The following CELF2 variants were observed in gnomAD, a reference collection of about 807,000 sequenced individuals.
CELF2 encodes the protein CUG triplet repeat RNA-binding protein 2.
A neutral mutation model predicts 62.6 loss-of-function variants in CELF2; 8 were observed. The observed-to-expected ratio is 0.13, with a 90% CI of 0.07 to 0.23. The LOEUF is 0.23. Ranked by LOEUF, CELF2 falls within the 10% of genes least tolerant of loss-of-function variation. The pLI, the probability that CELF2 is intolerant of heterozygous loss-of-function variation, is 1.00. For synonymous variants in CELF2, 258 were observed against 250.0 expected (o/e 1.03, Z -0.30); for missense variants, 333 against 671.0 (o/e 0.50, Z 5.56).
chr10:10,783,766 C>T, the CELF2 span, among the ~76,000 whole-genome samples: 1 of 152,106 alleles, frequency 6.6e-6, no homozygotes, highest in South Asian at 2.1e-4. Context: ...GCGGGCAGAT[C>T]ACGGCATCAA....
intron 3 of CELF2, among the ~76,000 whole-genome samples, chr10:11,218,160 G>A (rs954962360): frequency 1.3e-5 from 2 of 152,196 alleles, no homozygotes; most frequent in South Asian, 2.1e-4. Flanking sequence ...AAAGGATTTT[G>A]TGGCACTTTT....
chr10:11,325,400 CATT>C (rs1451316410), intron 11 of CELF2, among the ~76,000 whole-genome samples: 2 of 152,244 alleles, frequency 1.3e-5, no homozygotes, highest in Non-Finnish European at 2.9e-5. Flanking sequence ...CTGCTACATC[CATT>C]ATTGTCAATT....
intron 2 of CELF2, among the ~76,000 whole-genome samples, chr10:10,950,129 C>G (rs1264267916): frequency 2.0e-5 from 3 of 152,134 alleles, no homozygotes; most frequent in Non-Finnish European, 4.4e-5. Flanking sequence ...TTGCAGCTTC[C>G]CTGGGTTTCC....
At chr10:11,042,114 C>A (rs564227639) in intron 1 of CELF2, among the ~76,000 whole-genome samples, 1 of 152,168 alleles carries the variant, frequency 6.6e-6, no homozygotes, top group Non-Finnish European at 1.5e-5. Flanking sequence ...GGGCTTAGCA[C>A]TGTGTTGATT....
At position 11,242,544 on chromosome 10, in the gene CELF2, C is replaced by T. The variant is rs770074859; in HGVS notation, c.355-6609C>T. 6.6e-5 allele frequency among the ~76,000 whole-genome samples: 10 copies of T among 152,182 alleles called. No individual in the cohort carries two copies. Among genetic ancestry groups the T allele is most frequent in the Non-Finnish European group, 8.8e-5 (6 of 68,034 alleles). ...AGCTGCTCCGTGGCCAGCTTCACGG[C>T]GGCACCAGGTGGTGACAGCTGTTGG... On this transcript the variant is annotated intron_variant, in intron 3 of 12. Transcript: ENST00000633077. This position sits in a 1 kb window ranked among gnomAD's most constrained non-coding sequence, Gnocchi z 4.8.
intron 1 of CELF2, chr10:11,030,422 T>C (rs10752214): frequency 0.27 from 41,396 of 152,186 alleles, 7,362 homozygotes; most frequent in East Asian, 0.77. Flanking sequence ...GTTTCTCATT[T>C]CCAAAGCCTG....
chr10:11,059,188 C>T (rs2066112702), intron 1 of CELF2, among the ~76,000 whole-genome samples: 1 of 152,240 alleles, frequency 6.6e-6, no homozygotes, highest in South Asian at 2.1e-4. Flanking sequence ...CTCTCTGACT[C>T]ATTTCACCAT....
At chr10:10,624,818 T>C in the CELF2 span, among the ~76,000 whole-genome samples, 1 of 152,158 alleles carries the variant, frequency 6.6e-6, no homozygotes, top group Non-Finnish European at 1.5e-5. Context: ...AAATAACTCA[T>C]GGATAATCAT....
At chr10:10,627,928 A>G in the CELF2 span, among the ~76,000 whole-genome samples, 3 of 152,310 alleles carry the variant, frequency 2.0e-5, no homozygotes, top group Admixed American at 6.5e-5. Context: ...TTTGAGATAG[A>G]GTCTCGCTCT....
chr10:11,019,541 C>A (rs137944987), intron 1 of CELF2, among the ~76,000 whole-genome samples: 1 of 152,098 alleles, frequency 6.6e-6, no homozygotes, highest in East Asian at 1.9e-4. Context: ...TTAAGAGATT[C>A]TTGAGAAACT....
chr10:11,171,167 A>C (rs2068741396), intron 2 of CELF2: 1 of 152,218 alleles, frequency 6.6e-6, no homozygotes, highest in South Asian at 2.1e-4. Context: ...TCATGGCATA[A>C]CTGCTGTGCA....
At chr10:10,547,692 A>AGAGAGAGTGT in the CELF2 span, among the ~76,000 whole-genome samples, 806 of 138,086 alleles carry the variant, frequency 5.8e-3, 4 homozygotes, top group South Asian at 0.015. Context: ...AGAGAGAGAG[A>AGAGAGAGTGT]GTGTGTGTGT....
At chr10:10,661,576 C>T in the CELF2 span, among the ~76,000 whole-genome samples, 1 of 152,124 alleles carries the variant, frequency 6.6e-6, no homozygotes, top group Admixed American at 6.5e-5. Context: ...TTGTAAACAC[C>T]TATCTGCATT....
rs1461035661 is a variant in CELF2, at chr10:11,315,294, C to T, written c.1096+1036C>T. 6.6e-6 allele frequency among the ~76,000 whole-genome samples: 1 copy of T among 152,166 alleles called. No homozygotes were observed. The highest frequency in any genetic ancestry group is 2.4e-5 in the African/African-American group (1 of 41,428). The stretch of plus-strand genomic sequence containing the variant: ...GAGCCCAGTTAGCTACCATGCAGCC[C>T]AGGCACCCCGGCACCTGCCCATTCT... On this transcript the variant is annotated intron_variant, in intron 10 of 12. Coordinates refer to ENST00000633077, the MANE Select transcript of CELF2 (RefSeq NM_001326342.2). This position sits in a 1 kb window ranked among gnomAD's most constrained non-coding sequence, Gnocchi z 5.8.
chr10:10,984,697 A>C lies in CELF2; in HGVS notation c.89+64698A>C, dbSNP rs563696128. The stretch of plus-strand genomic sequence containing the variant: ...CTAGGACATCATGGTTTCATTACAG[A>C]ATGACTCTCTCTTTTAAGGGGATTC... On this transcript the variant is annotated intron_variant, in intron 2 of 13. Transcript: ENST00000636488. Among the ~76,000 whole-genome samples, 15 of 152,304 alleles carry C rather than the reference A, an allele frequency of 9.8e-5. No individual in the cohort carries two copies. The South Asian group carries it at 2.9e-3, about 29-fold the overall frequency.
In CELF2 at chr10:10,924,724, C is replaced by CTTTTTTTTTTTTTTTTT. The variant is rs745848953; in HGVS notation, c.89+4727_89+4743dup. Among the ~76,000 whole-genome samples, 69 of 89,152 alleles carry CTTTTTTTTTTTTTTTTT rather than the reference C, an allele frequency of 7.7e-4. 6 individuals carry two copies. Among genetic ancestry groups the CTTTTTTTTTTTTTTTTT allele is most frequent in the African/African-American group, 1.3e-3 (27 of 21,150 alleles). 58.5% of individuals were successfully genotyped at this position (89,152 alleles called of 152,430 possible). Reference sequence around the variant, plus strand: ...GTATATTAATCCAGTAACTTGATCGCTTTTTTTTTTTTTTTTTTGCCTTCT... The same window carrying CTTTTTTTTTTTTTTTTT: ...GTATATTAATCCAGTAACTTGATCGCTTTTTTTTTTTTTTTTTTTTTTTTTTTTTTTTTTTGCCTTCT... On this transcript the variant is annotated intron_variant, in intron 2 of 13. Coordinates refer to the CELF2 transcript ENST00000636488.
the CELF2 span, among the ~76,000 whole-genome samples, chr10:10,638,896 T>C: frequency 6.6e-6 from 1 of 152,164 alleles, no homozygotes; most frequent in African/African-American, 2.4e-5. Context: ...ACTGGCAAAG[T>C]AGAAATCTCA....
intron 8 of CELF2, among the ~76,000 whole-genome samples, chr10:11,279,870 T>C (rs997107880): frequency 6.6e-6 from 1 of 152,212 alleles, no homozygotes; most frequent in African/African-American, 2.4e-5. Flanking sequence ...TTCTCAACTT[T>C]CTTTGCCATC....
At chr10:10,803,237 T>G (rs1418911531) in intron 1 of CELF2, among the ~76,000 whole-genome samples, 1 of 152,204 alleles carries the variant, frequency 6.6e-6, no homozygotes, top group African/African-American at 2.4e-5. Flanking sequence ...TCAGATTCTG[T>G]GACTTCCCTA....
Sources: allele counts gnomAD v4.1 joint callset (sites outside exome capture counted in the v4.1 genomes callset), GRCh38; gene constraint gnomAD v4.1.1; non-coding constraint Gnocchi (gnomAD v3.1); transcripts MANE v1.5; gene names NCBI Gene and HGNC (gene_info 2026-07-23, HGNC 2026-07-21).